The following IFIT1 variants were observed in gnomAD, a reference collection of about 807,000 sequenced individuals.
IFIT1 encodes interferon induced protein with tetratricopeptide repeats 1, also known as antiviral innate immune response effector IFIT1.
Under a neutral mutation model 2.5 loss-of-function variants are expected in IFIT1, and 1 was observed. The ratio of observed to expected loss-of-function variants is 0.40; its 90% CI spans 0.14 to 1.92. IFIT1 has a LOEUF of 1.92. Ranked by LOEUF, IFIT1 falls within the 40% of genes most tolerant of loss-of-function variation. The pLI, the probability that IFIT1 is intolerant of heterozygous loss-of-function variation, is 0.31. For missense variants in IFIT1, 508 were observed against 557.8 expected (o/e 0.91, Z 0.90); for synonymous variants, 191 against 201.7 (o/e 0.95, Z 0.45).
chr10:89,396,281 A>T (rs976342630), intron 1 of IFIT1, among the ~76,000 whole-genome samples: 1 of 152,186 alleles, frequency 6.6e-6, no homozygotes, highest in African/African-American at 2.4e-5. Context: ...GTGTTGCTAT[A>T]GAAGAATAAG....
Position 89,403,709 on chromosome 10 carries a change from T to G in IFIT1, c.1434T>G (p.Pro478=), listed in dbSNP as rs1844481684. The change falls in exon 2 of 2, where the codon CCT becomes CCG. Residue 478 remains proline, a synonymous_variant. Transcript: ENST00000371804. ...TTGAGAACTCTGTGAGACAAGGTCCTTAGGCACCCAGATATCAGCCACTTT... is the reference window on the plus strand; with the variant it reads ...TTGAGAACTCTGTGAGACAAGGTCCGTAGGCACCCAGATATCAGCCACTTT... ...ADFENSVRQG[P] is the part of the protein sequence containing the mutation. The G allele has an allele frequency of 2.0e-6, 3 of 1,537,632 alleles. No homozygotes were observed. Among genetic ancestry groups the G allele is most frequent in the Non-Finnish European group, 1.8e-6 (2 of 1,135,312 alleles).
chr10:89,393,036 T>A, intron 1 of IFIT1: 2 of 852,654 alleles, frequency 2.3e-6, no homozygotes, highest in Non-Finnish European at 3.3e-6. Flanking sequence ...TTCTTTCCCA[T>A]CAGATTCACT....
chr10:89,405,337 T>C lies in IFIT1; in HGVS notation c.*1625T>C, dbSNP rs550034276. The stretch of plus-strand genomic sequence containing the variant: ...CATGGGTAACAATCACCTTTGATTA[T>C]GAATAATCATATTTTATTGAAAGGC... On this transcript the variant is annotated 3_prime_UTR_variant, in exon 2 of 2. Transcript: ENST00000371804. 76 of 152,338 alleles carry C rather than the reference T, an allele frequency of 5.0e-4. No individual in the cohort carries two copies. The highest frequency in any genetic ancestry group is 1.7e-3 in the African/African-American group (72 of 41,584). 9.4% of individuals were successfully genotyped at this position (152,338 alleles called of 1,614,324 possible). A position where few individuals can be genotyped will look rare whatever the true frequency, so the allele number is the denominator to read the frequency against.
chr10:89,403,874 G>A lies in IFIT1; in HGVS notation c.*162G>A. 2 of 566,336 alleles carry A rather than the reference G, an allele frequency of 3.5e-6. No homozygotes were observed. Among genetic ancestry groups the A allele is most frequent in the Non-Finnish European group, 6.1e-6 (2 of 325,864 alleles). 35.1% of individuals were successfully genotyped at this position (566,336 alleles called of 1,614,324 possible). ...ATATTAGTTGTGTTCAACAATTAGT[G>A]AAACAGAATGTGTGTATGCATGTAA... On this transcript the variant is annotated 3_prime_UTR_variant, in exon 2 of 2. Coordinates refer to ENST00000371804, the MANE Select transcript of IFIT1 (RefSeq NM_001548.5).
intron 1 of IFIT1, among the ~76,000 whole-genome samples, chr10:89,400,475 C>T (rs1315472986): frequency 3.3e-5 from 5 of 152,106 alleles, no homozygotes; most frequent in African/African-American, 1.2e-4. Context: ...TTCCAGTGTA[C>T]AAGTCTTTTG....
intron 1 of IFIT1, among the ~76,000 whole-genome samples, chr10:89,400,212 G>C (rs1844402769): frequency 1.3e-5 from 2 of 152,236 alleles, no homozygotes; most frequent in Non-Finnish European, 1.5e-5. Context: ...GAATGTGTGA[G>C]ACATCCAACT....
chr10:89,394,804 T>C (rs1235222503), intron 1 of IFIT1, among the ~76,000 whole-genome samples: 1 of 151,950 alleles, frequency 6.6e-6, no homozygotes, highest in African/African-American at 2.4e-5. Context: ...TTTCTCGCTA[T>C]GTGGAGAAAC....
chr10:89,400,884 C>G (rs1011746662), intron 1 of IFIT1, among the ~76,000 whole-genome samples: 13 of 151,984 alleles, frequency 8.6e-5, no homozygotes, highest in African/African-American at 3.1e-4. Context: ...GAATATGATA[C>G]TAGCTATAGG....
Position 89,405,990 on chromosome 10 carries a change from C to T in IFIT1, c.*2278C>T, listed in dbSNP as rs1400055931. The T allele has an allele frequency of 1.3e-5, 2 of 152,134 alleles. No homozygotes were observed. The highest frequency in any genetic ancestry group is 6.5e-5 in the Admixed American group (1 of 15,280). The allele number at this position is 152,134 out of a possible 1,614,324, so 9.4% of individuals were successfully genotyped here. A position where few individuals can be genotyped will look rare whatever the true frequency, so the allele number is the denominator to read the frequency against. ...GCTTCAATTATTTAATATTTTTACT[C>T]CTTCCAGTAGATACTGATTTCATCC... On this transcript the variant is annotated 3_prime_UTR_variant, in exon 2 of 2. Coordinates refer to ENST00000371804, the MANE Select transcript of IFIT1 (RefSeq NM_001548.5).
rs41284946 is a variant in IFIT1 at position 89,403,214 on chromosome 10, G to A, written c.939G>A (p.Gln313=). Reference sequence around the variant, plus strand: ...CTACAAAAGGGCAGCCTAGAGGGCAGAACAGAGAAAAGCTAGACAAAATGA... The same window carrying A: ...CTACAAAAGGGCAGCCTAGAGGGCAAAACAGAGAAAAGCTAGACAAAATGA... ...KEATKGQPRG[Q]NREKLDKMIR... The change falls in exon 2 of 2, where the codon CAG becomes CAA. Residue 313 remains glutamine (Q), a synonymous_variant. Coordinates refer to ENST00000371804, the MANE Select transcript of IFIT1 (RefSeq NM_001548.5). 17,903 of 1,614,134 alleles carry A rather than the reference G, an allele frequency of 0.011. 129 individuals carry two copies. The highest frequency in any genetic ancestry group is 0.013 in the Non-Finnish European group (15,242 of 1,180,018).
chr10:89,401,325 T>C (rs303213), intron 1 of IFIT1, among the ~76,000 whole-genome samples: 26,373 of 152,036 alleles, frequency 0.17, 2,941 homozygotes, highest in East Asian at 0.44. Flanking sequence ...TTTCACCATG[T>C]TGGTCAGCTG....
chr10:89,396,483 C>T (rs1277831450), intron 1 of IFIT1, among the ~76,000 whole-genome samples: 1 of 152,178 alleles, frequency 6.6e-6, no homozygotes, highest in Non-Finnish European at 1.5e-5. Context: ...AGGGGGCATC[C>T]TCACATTATA....
At chr10:89,396,689 G>A (rs951885909) in intron 1 of IFIT1, among the ~76,000 whole-genome samples, 3 of 152,206 alleles carry the variant, frequency 2.0e-5, no homozygotes, top group Non-Finnish European at 2.9e-5. Flanking sequence ...ATTTGGTGGG[G>A]ACAATCAAAC....
rs1468651008 is a variant in IFIT1, at chr10:89,404,126, T to C, written c.*414T>C. 2 of 155,680 alleles carry C rather than the reference T, an allele frequency of 1.3e-5. No individual in the cohort carries two copies. The highest frequency in any genetic ancestry group is 2.8e-5 in the Non-Finnish European group (2 of 70,690). 9.6% of individuals were successfully genotyped at this position (155,680 alleles called of 1,614,324 possible). A position where few individuals can be genotyped will look rare whatever the true frequency, so the allele number is the denominator to read the frequency against. ...CCAACCATGACAAGATGAGAGATCA[T>C]TCACACCTCATTATATTCCCTCCCT... On this transcript the variant is annotated 3_prime_UTR_variant, in exon 2 of 2. Coordinates refer to ENST00000371804, the MANE Select transcript of IFIT1 (RefSeq NM_001548.5).
At chr10:89,400,402 C>A (rs565477044) in intron 1 of IFIT1, among the ~76,000 whole-genome samples, 2 of 152,180 alleles carry the variant, frequency 1.3e-5, no homozygotes, top group African/African-American at 4.8e-5. Flanking sequence ...TTCTAATCCA[C>A]GAACAAAGGA....
chr10:89,398,537 C>T (rs1209575711), intron 1 of IFIT1, among the ~76,000 whole-genome samples: 1 of 152,156 alleles, frequency 6.6e-6, no homozygotes, highest in Non-Finnish European at 1.5e-5. Context: ...GTGGGACAGA[C>T]CCGGCACCCT....
Position 89,403,121 on chromosome 10 carries a change from C to T in IFIT1, c.846C>T (p.Pro282=), listed in dbSNP as rs765298737. ...TAAAAAAGGCCTTGCAGGAAACACC[C>T]ACTTCTGTCTTACTGCATCACCAGA... The part of the protein sequence containing the change: ...ELLKKALQET[P]TSVLLHHQIG... Residue 282 remains proline, a synonymous_variant, in exon 2 of 2, where the codon CCC becomes CCT. Coordinates refer to ENST00000371804, the MANE Select transcript of IFIT1 (RefSeq NM_001548.5). 2 of 1,614,120 alleles carry T rather than the reference C, an allele frequency of 1.2e-6. No individual in the cohort carries two copies. The highest frequency in any genetic ancestry group is 3.3e-5 in the Admixed American group (2 of 60,008).
At chr10:89,393,159 C>CT in intron 1 of IFIT1, 1 of 1,291,080 alleles carries the variant, frequency 7.7e-7, no homozygotes, top group Non-Finnish European at 1.0e-6. Flanking sequence ...AAGCCTCAGT[C>CT]TTGCAGCCTC....
At chr10:89,399,638 T>G (rs1173823488) in intron 1 of IFIT1, among the ~76,000 whole-genome samples, 1 of 152,144 alleles carries the variant, frequency 6.6e-6, no homozygotes, top group Non-Finnish European at 1.5e-5. Context: ...CCTTTCCCCA[T>G]TAGATGGTCT....
Sources: allele counts gnomAD v4.1 joint callset (sites outside exome capture counted in the v4.1 genomes callset), GRCh38; gene constraint gnomAD v4.1.1; transcripts MANE v1.5; gene names NCBI Gene and HGNC (gene_info 2026-07-23, HGNC 2026-07-21).